Variants in GABRB2 observed in about 807,000 individuals in gnomAD.
The protein encoded by GABRB2 is gamma-aminobutyric acid receptor subunit beta-2.
A neutral mutation model predicts 54.7 loss-of-function variants in GABRB2; 16 were observed. That is an observed-to-expected ratio of 0.29 (90% confidence interval 0.20 to 0.44). GABRB2 has a LOEUF of 0.44. Ranked by LOEUF, GABRB2 falls within the 20% of genes least tolerant of loss-of-function variation. The probability of loss-of-function intolerance (pLI) is 1.00; values close to 1 mark genes in which losing one functional copy is unlikely to be tolerated. For missense variants in GABRB2, 355 were observed against 644.0 expected (o/e 0.55, Z 4.86); for synonymous variants, 244 against 233.8 (o/e 1.04, Z -0.40).
intron 3 of GABRB2, among the ~76,000 whole-genome samples, chr5:161,506,271 A>G (rs1286390180): frequency 6.6e-6 from 1 of 152,172 alleles, no homozygotes; most frequent in Non-Finnish European, 1.5e-5. Flanking sequence ...ATCAGTGAAG[A>G]CATATGAAAA....
At chr5:161,468,078 C>T (rs541900485) in intron 3 of GABRB2, among the ~76,000 whole-genome samples, 1 of 152,154 alleles carries the variant, frequency 6.6e-6, no homozygotes, top group South Asian at 2.1e-4. Context: ...GTCTCCAATA[C>T]AAACAATCTA....
At chr5:161,537,468 C>T (rs1383153667) in intron 3 of GABRB2, among the ~76,000 whole-genome samples, 5 of 152,136 alleles carry the variant, frequency 3.3e-5, no homozygotes, top group African/African-American at 9.7e-5. Context: ...TCCCCTTGAC[C>T]TCCACTCCCC....
At chr5:161,454,272 C>T (rs1757882681) in intron 4 of GABRB2, among the ~76,000 whole-genome samples, 1 of 152,172 alleles carries the variant, frequency 6.6e-6, no homozygotes, top group Non-Finnish European at 1.5e-5. Context: ...CCACCTGGGT[C>T]CCATGCCAGG....
At chr5:161,540,958 A>C (rs576386665) in intron 3 of GABRB2, among the ~76,000 whole-genome samples, 2 of 152,098 alleles carry the variant, frequency 1.3e-5, no homozygotes, top group African/African-American at 4.8e-5. Flanking sequence ...GTGATCCTCC[A>C]CCTCAGCCTC....
chr5:161,472,956 T>C (rs1001626859), intron 3 of GABRB2, among the ~76,000 whole-genome samples: 2 of 151,938 alleles, frequency 1.3e-5, no homozygotes, highest in Admixed American at 6.6e-5. Context: ...ATGGACATAG[T>C]AGAGAATATA....
chr5:161,406,565 G>T (rs183837131), intron 5 of GABRB2, among the ~76,000 whole-genome samples: 3 of 152,102 alleles, frequency 2.0e-5, no homozygotes, highest in Admixed American at 1.3e-4. Flanking sequence ...TTTATTAGAT[G>T]TCTACCATGG....
At chr5:161,516,730 A>T (rs187133283) in intron 3 of GABRB2, among the ~76,000 whole-genome samples, 2 of 152,330 alleles carry the variant, frequency 1.3e-5, no homozygotes, top group East Asian at 3.9e-4. Context: ...CCAAATGCTC[A>T]TACTGAGAAG....
rs56372028 is a variant in GABRB2 at position 161,289,232 on chromosome 5, C to CTTT, written c.*4846_*4848dup. 2 of 90,490 alleles carry CTTT rather than the reference C, an allele frequency of 2.2e-5. No individual in the cohort carries two copies. The highest frequency in any genetic ancestry group is 6.2e-5 in the African/African-American group (1 of 16,220). The allele number at this position is 90,490 out of a possible 1,614,324, so 5.6% of individuals were successfully genotyped here. A position where few individuals can be genotyped will look rare whatever the true frequency, so the allele number is the denominator to read the frequency against. ...ACCTAGTAGCTTTTTAAGAGTGCTG[C>CTTT]TTTTTTTTTTTTTTTTTGTACAGAT... On this transcript the variant is annotated 3_prime_UTR_variant, in exon 10 of 10. Transcript: ENST00000393959.
intron 5 of GABRB2, among the ~76,000 whole-genome samples, chr5:161,354,935 T>G (rs13164252): frequency 0.022 from 3,344 of 152,122 alleles, 56 homozygotes; most frequent in Non-Finnish European, 0.034. Flanking sequence ...CAAACTATAC[T>G]GGCCCTCTCT....
At chr5:161,440,035 T>G in intron 4 of GABRB2, among the ~76,000 whole-genome samples, 1 of 147,298 alleles carries the variant, frequency 6.8e-6, no homozygotes. Context: ...AAAAATACTA[T>G]TTGCAAGCCT....
At position 161,320,481 on chromosome 5, in the gene GABRB2, G is replaced by T. The variant is rs1758178524; in HGVS notation, c.1191+5887C>A. ...ATTTCCTATCACTTCAATTTATTTG[G>T]ATGCTCTTTTGATTTAAATTATATG... On this transcript the variant is annotated intron_variant, in intron 9 of 9. Transcript: ENST00000393959. Among the ~76,000 whole-genome samples the T allele has an allele frequency of 2.0e-5, 3 of 151,450 alleles. No homozygotes were observed. The South Asian group carries it at 6.3e-4, about 32-fold the overall frequency.
chr5:161,364,124 T>A (rs1754907293), intron 5 of GABRB2, among the ~76,000 whole-genome samples: 1 of 152,054 alleles, frequency 6.6e-6, no homozygotes, highest in Non-Finnish European at 1.5e-5. Flanking sequence ...TATTCTATAT[T>A]CCACACTATG....
At chr5:161,448,589 G>A (rs536587156) in intron 4 of GABRB2, among the ~76,000 whole-genome samples, 32 of 152,016 alleles carry the variant, frequency 2.1e-4, no homozygotes, top group Non-Finnish European at 4.1e-4. Flanking sequence ...TTAAACTGAG[G>A]GTTAATCTAA....
chr5:161,316,978 A>G (rs564251077), intron 9 of GABRB2, among the ~76,000 whole-genome samples: 1 of 152,264 alleles, frequency 6.6e-6, no homozygotes, highest in African/African-American at 2.4e-5. Context: ...GGTTGTAATT[A>G]TCTTGTGTTA....
intron 5 of GABRB2, among the ~76,000 whole-genome samples, chr5:161,396,873 G>A (rs1354765234): frequency 6.6e-6 from 1 of 152,088 alleles, no homozygotes; most frequent in Non-Finnish European, 1.5e-5. Flanking sequence ...ACTTCCAAAT[G>A]TAACTTTGAA....
intron 3 of GABRB2, among the ~76,000 whole-genome samples, chr5:161,491,639 C>T (rs1017339493): frequency 6.6e-6 from 1 of 151,342 alleles, no homozygotes; most frequent in Non-Finnish European, 1.5e-5. Context: ...TGGGAAGCAC[C>T]CCATTCAGAA....
At chr5:161,298,637 G>C (rs1757449847) in intron 9 of GABRB2, among the ~76,000 whole-genome samples, 1 of 152,188 alleles carries the variant, frequency 6.6e-6, no homozygotes, top group Non-Finnish European at 1.5e-5. Flanking sequence ...TTTCTTCCCT[G>C]CTCTAAGGCT....
chr5:161,326,196 C>T (rs1009585020), intron 9 of GABRB2, among the ~76,000 whole-genome samples, 172 bp downstream of exon 9: 1 of 152,072 alleles, frequency 6.6e-6, no homozygotes, highest in Non-Finnish European at 1.5e-5. Context: ...AAAAGCAAAC[C>T]TAGGAAAGTC....
chr5:161,368,116 G>GACACACACACACACACAC (rs11467721), intron 5 of GABRB2, among the ~76,000 whole-genome samples: 12 of 145,012 alleles, frequency 8.3e-5, no homozygotes, highest in South Asian at 2.3e-4. Flanking sequence ...CTCCCTCTCT[G>GACACACACACACACACAC]ACACACACAC....
Sources: allele counts gnomAD v4.1 joint callset (sites outside exome capture counted in the v4.1 genomes callset), GRCh38; gene constraint gnomAD v4.1.1; transcripts MANE v1.5; gene names NCBI Gene and HGNC (gene_info 2026-07-23, HGNC 2026-07-21).